The following KCNMA1 variants were observed in gnomAD, a reference collection of about 807,000 sequenced individuals.
KCNMA1 encodes the protein potassium calcium-activated channel subfamily M alpha 1, also known as Calcium-activated potassium channel subunit alpha-1.
Under a neutral mutation model 140.0 loss-of-function variants are expected in KCNMA1, and 29 were observed. That is an observed-to-expected ratio of 0.21 (90% CI 0.15 to 0.28). KCNMA1 has a LOEUF of 0.28. Among genes scored for constraint, KCNMA1 ranks in the 10% least tolerant of loss-of-function variants. The pLI is 1.00. For synonymous variants in KCNMA1, 612 were observed against 611.9 expected (o/e 1.00, Z 0.00); for missense variants, 880 against 1,602.2 (o/e 0.55, Z 7.70).
chr10:77,213,101 G>A (rs2154176910), intron 3 of KCNMA1, among the ~76,000 whole-genome samples: 1 of 152,120 alleles, frequency 6.6e-6, no homozygotes, highest in Admixed American at 6.5e-5. Flanking sequence ...GTGAAAGACT[G>A]AGTAATTACA....
intron 9 of KCNMA1, chr10:77,090,771 T>C (rs539240558): frequency 7.1e-5 from 39 of 551,532 alleles, no homozygotes; most frequent in African/African-American, 6.8e-4. Context: ...CCCAACTGTT[T>C]GGCCAAGTGG....
At chr10:77,198,223 A>G (rs1006164321) in intron 3 of KCNMA1, among the ~76,000 whole-genome samples, 1 of 152,108 alleles carries the variant, frequency 6.6e-6, no homozygotes, top group Non-Finnish European at 1.5e-5. Flanking sequence ...AGCGGGTCAG[A>G]TAAATAAGAG....
chr10:77,374,260 G>A (rs1453327174), intron 2 of KCNMA1, among the ~76,000 whole-genome samples: 2 of 151,920 alleles, frequency 1.3e-5, no homozygotes, highest in Admixed American at 6.6e-5. Flanking sequence ...CTCCCTTCCC[G>A]AACATGTGGG....
chr10:77,050,294 AC>A (rs2095311977), intron 14 of KCNMA1, among the ~76,000 whole-genome samples: 1 of 151,976 alleles, frequency 6.6e-6, no homozygotes, highest in Non-Finnish European at 1.5e-5. Flanking sequence ...AAATAAAAAA[AC>A]AAAAAAACAA....
intron 5 of KCNMA1, among the ~76,000 whole-genome samples, chr10:77,150,509 A>G (rs2098399460): frequency 6.6e-6 from 1 of 152,228 alleles, no homozygotes; most frequent in Non-Finnish European, 1.5e-5. Context: ...CCAGAAAGGG[A>G]CTGTAAGACA....
At chr10:77,061,878 A>C (rs2095764854) in intron 14 of KCNMA1, among the ~76,000 whole-genome samples, 1 of 152,242 alleles carries the variant, frequency 6.6e-6, no homozygotes, top group Admixed American at 6.5e-5. Flanking sequence ...CAAGGGAACT[A>C]TGCTAAATGA....
At chr10:77,517,109 C>T (rs907681581) in intron 1 of KCNMA1, among the ~76,000 whole-genome samples, 4 of 151,974 alleles carry the variant, frequency 2.6e-5, no homozygotes, top group Non-Finnish European at 5.9e-5. Flanking sequence ...GGTGCTGGTG[C>T]TTTTTCTCCC....
chr10:77,445,397 T>C (rs562998902), intron 1 of KCNMA1, among the ~76,000 whole-genome samples: 1,437 of 130,890 alleles, frequency 0.011, 13 homozygotes, highest in African/African-American at 0.02. Context: ...CACACACACA[T>C]ATGAAAAATA....
At chr10:77,095,766 A>G (rs1380307080) in intron 9 of KCNMA1, among the ~76,000 whole-genome samples, 1 of 152,184 alleles carries the variant, frequency 6.6e-6, no homozygotes. Context: ...TGGGCCAGGA[A>G]AGCCTGCATG....
intron 2 of KCNMA1, among the ~76,000 whole-genome samples, chr10:77,362,019 G>A (rs1356752164): frequency 6.6e-6 from 1 of 152,204 alleles, no homozygotes; most frequent in Non-Finnish European, 1.5e-5. Context: ...CAGGCCCAGG[G>A]TCTCCCTCAG....
intron 2 of KCNMA1, among the ~76,000 whole-genome samples, chr10:77,324,969 CTCTGTGTGTG>C (rs1412469375): frequency 9.5e-5 from 9 of 95,086 alleles, no homozygotes; most frequent in African/African-American, 3.7e-4. Flanking sequence ...CTCTCTCTCT[CTCTGTGTGTG>C]TGTGTGTGTG....
intron 2 of KCNMA1, among the ~76,000 whole-genome samples, chr10:77,369,034 C>T (rs185962132): frequency 7.1e-4 from 108 of 152,302 alleles, no homozygotes; most frequent in Admixed American, 1.6e-3. Flanking sequence ...GTTGCTTTGC[C>T]TTTTCACATA....
chr10:77,625,350 C>A (rs2092333410), intron 1 of KCNMA1, among the ~76,000 whole-genome samples: 1 of 152,168 alleles, frequency 6.6e-6, no homozygotes, highest in Non-Finnish European at 1.5e-5. Flanking sequence ...CACTGCACTC[C>A]AGCCTGGGCG....
intron 14 of KCNMA1, chr10:77,071,554 C>T (rs1201709543): frequency 6.6e-6 from 1 of 152,208 alleles, no homozygotes; most frequent in African/African-American, 2.4e-5. Flanking sequence ...GCTTCAGGGT[C>T]TCGTCTCTAA....
Position 76,966,719 on chromosome 10 carries a change from G to A in KCNMA1, c.2360+3255C>T, listed in dbSNP as rs532738242. Reference sequence around the variant, plus strand: ...TTCAATAATTCCACAGTAAGAGACCGGGAAGGAAGGGAAATAACAGGCAGA... The same window carrying A: ...TTCAATAATTCCACAGTAAGAGACCAGGAAGGAAGGGAAATAACAGGCAGA... On this transcript the variant is annotated intron_variant, in intron 20 of 27. Coordinates refer to ENST00000286628, the MANE Select transcript of KCNMA1 (RefSeq NM_001161352.2). Among the ~76,000 whole-genome samples, 106 of 152,258 alleles carry A rather than the reference G, an allele frequency of 7.0e-4. 1 individual carries two copies. The highest frequency in any genetic ancestry group is 2.4e-3 in the African/African-American group (98 of 41,546).
intron 2 of KCNMA1, among the ~76,000 whole-genome samples, chr10:77,349,734 C>T (rs1354467176): frequency 1.3e-5 from 2 of 152,220 alleles, no homozygotes; most frequent in African/African-American, 4.8e-5. Context: ...AGCAATGGAA[C>T]TTTAAAGAGC....
At chr10:77,119,558 T>A (rs1251987484) in intron 6 of KCNMA1, among the ~76,000 whole-genome samples, 1 of 152,216 alleles carries the variant, frequency 6.6e-6, no homozygotes, top group African/African-American at 2.4e-5. Context: ...ATTGGCGAGA[T>A]GCTAGCTTCA....
intron 1 of KCNMA1, among the ~76,000 whole-genome samples, chr10:77,490,658 GA>G (rs1475391581): frequency 6.6e-6 from 1 of 152,194 alleles, no homozygotes; most frequent in Non-Finnish European, 1.5e-5. Flanking sequence ...TTTAGCAGTT[GA>G]AAAGAAATTA....
intron 2 of KCNMA1, among the ~76,000 whole-genome samples, 155 bp from the exon 3 acceptor site, chr10:77,251,411 C>T (rs1398583024): frequency 6.6e-6 from 1 of 152,134 alleles, no homozygotes; most frequent in Non-Finnish European, 1.5e-5. Context: ...CCCATTACTG[C>T]TTCAGGTTTG....
Sources: allele counts gnomAD v4.1 joint callset (sites outside exome capture counted in the v4.1 genomes callset), GRCh38; gene constraint gnomAD v4.1.1; transcripts MANE v1.5; gene names NCBI Gene and HGNC (gene_info 2026-07-23, HGNC 2026-07-21).